PCCA: variants seen among roughly 807,000 people sequenced by gnomAD.
The protein encoded by PCCA is propionyl-CoA carboxylase subunit alpha, also known as propionyl-CoA carboxylase alpha chain, mitochondrial.
A neutral mutation model predicts 101.3 loss-of-function variants in PCCA; 74 were observed. That is an observed-to-expected ratio of 0.73 (90% CI 0.61 to 0.89). The LOEUF (loss-of-function observed/expected upper bound fraction) is 0.89. Among genes scored for constraint, PCCA ranks in the 40% least tolerant of loss-of-function variants. The pLI is 0.00. For missense variants in PCCA, 891 were observed against 907.0 expected (o/e 0.98, Z 0.23); for synonymous variants, 294 against 313.6 (o/e 0.94, Z 0.66).
intron 21 of PCCA, among the ~76,000 whole-genome samples, chr13:100,492,570 C>A (rs1208882515): frequency 6.6e-6 from 1 of 151,654 alleles, no homozygotes; most frequent in African/African-American, 2.4e-5. Flanking sequence ...CAGGGAAATA[C>A]TGGGTAGAAG....
intron 7 of PCCA, among the ~76,000 whole-genome samples, chr13:100,212,162 A>C (rs2059258122): frequency 6.6e-6 from 1 of 152,164 alleles, no homozygotes; most frequent in Non-Finnish European, 1.5e-5. Flanking sequence ...TGAAACTAAC[A>C]ATTAAAAGCT....
At position 100,449,175 on chromosome 13, in the gene PCCA, G is replaced by T. The variant is rs919646983; in HGVS notation, c.1846-77G>T. On this transcript the variant is annotated intron_variant, in intron 20 of 23. Coordinates refer to ENST00000376285, the MANE Select transcript of PCCA (RefSeq NM_000282.4). ...CATCCATCAGTTGATGGACATTTGG[G>T]TTTTTTGGCTATCGTGAACATTACA... is the stretch of plus-strand genomic sequence containing the variant. The T allele has an allele frequency of 1.4e-5, 12 of 844,176 alleles. No homozygotes were observed. In the African/African-American group the frequency reaches 1.5e-4, roughly 11 times the overall value. 52.3% of individuals were successfully genotyped at this position (844,176 alleles called of 1,614,324 possible).
chr13:100,145,168 T>C (rs2052377084), intron 4 of PCCA, among the ~76,000 whole-genome samples: 1 of 152,226 alleles, frequency 6.6e-6, no homozygotes, highest in Non-Finnish European at 1.5e-5. Context: ...GGTATAATGA[T>C]ACCATTAATG....
intron 12 of PCCA, among the ~76,000 whole-genome samples, chr13:100,286,336 G>A (rs7400074): frequency 0.44 from 66,495 of 151,958 alleles, 14,868 homozygotes; most frequent in Middle Eastern, 0.53. Flanking sequence ...CCTCACGCAC[G>A]TGGCCCCTGC....
chr13:100,275,434 T>G (rs2063580806), intron 12 of PCCA, among the ~76,000 whole-genome samples: 1 of 152,172 alleles, frequency 6.6e-6, no homozygotes, highest in African/African-American at 2.4e-5. Context: ...GATTTCTGCC[T>G]CTTTCCTGAT....
At chr13:100,205,205 G>A (rs2058780642) in intron 6 of PCCA, among the ~76,000 whole-genome samples, 1 of 152,112 alleles carries the variant, frequency 6.6e-6, no homozygotes, top group South Asian at 2.1e-4. Context: ...GGTTACTAGT[G>A]GATAAAATCT....
intron 6 of PCCA, among the ~76,000 whole-genome samples, chr13:100,189,047 C>A (rs1047603272): frequency 7.2e-5 from 11 of 152,098 alleles, no homozygotes; most frequent in Non-Finnish European, 1.5e-5. Context: ...AGCCCCCCAC[C>A]CCCTGACAGG....
At chr13:100,154,890 A>G in intron 4 of PCCA, 89 bp from the exon 5 acceptor site, 1 of 859,768 alleles carries the variant, frequency 1.2e-6, no homozygotes, top group Non-Finnish European at 2.0e-6. Flanking sequence ...TAGGCAGAAC[A>G]ATCAGATTTG....
At chr13:100,430,067 G>A (rs938113911) in intron 20 of PCCA, among the ~76,000 whole-genome samples, 12 of 151,886 alleles carry the variant, frequency 7.9e-5, no homozygotes, top group South Asian at 6.2e-4. Flanking sequence ...CCTGAGGTTC[G>A]GAGTTCGAGA....
chr13:100,327,421 G>A (rs1423522322), intron 16 of PCCA, among the ~76,000 whole-genome samples: 1 of 152,088 alleles, frequency 6.6e-6, no homozygotes, highest in Non-Finnish European at 1.5e-5. Context: ...GTGTGTATGT[G>A]GAATAGAATT....
intron 1 of PCCA, among the ~76,000 whole-genome samples, chr13:100,091,722 CAG>C (rs912578832): frequency 5.3e-5 from 8 of 152,056 alleles, no homozygotes; most frequent in African/African-American, 1.9e-4. Context: ...AGCCAGTCAA[CAG>C]AGTTTATTTA....
intron 7 of PCCA, among the ~76,000 whole-genome samples, chr13:100,215,539 C>T (rs1215580324): frequency 6.6e-6 from 1 of 152,164 alleles, no homozygotes; most frequent in Non-Finnish European, 1.5e-5. Context: ...CCCTCAGATA[C>T]CAAAATTTGT....
intron 19 of PCCA, among the ~76,000 whole-genome samples, chr13:100,413,974 A>T (rs2078205297): frequency 6.6e-6 from 1 of 152,202 alleles, no homozygotes; most frequent in East Asian, 1.9e-4. Flanking sequence ...ATAATGTAGG[A>T]TATTTTTGTA....
chr13:100,145,721 G>T (rs1413808679), intron 4 of PCCA, among the ~76,000 whole-genome samples: 1 of 151,704 alleles, frequency 6.6e-6, no homozygotes, highest in Non-Finnish European at 1.5e-5. Context: ...AAATAGCTGG[G>T]CATGGTGACA....
At chr13:100,467,586 C>T (rs570049004) in intron 21 of PCCA, among the ~76,000 whole-genome samples, 25 of 152,286 alleles carry the variant, frequency 1.6e-4, no homozygotes, top group East Asian at 5.8e-4. Context: ...TAGCCAGGAT[C>T]GTCTTGATCT....
chr13:100,266,074 G>A (rs1417848895), intron 10 of PCCA, among the ~76,000 whole-genome samples: 1 of 152,182 alleles, frequency 6.6e-6, no homozygotes, highest in Non-Finnish European at 1.5e-5. Flanking sequence ...TGTCCTTCTT[G>A]TAAGATCGTA....
intron 10 of PCCA, among the ~76,000 whole-genome samples, chr13:100,263,903 AGTATCTGTATGTCATAGATACG>A (rs1566822110): frequency 6.7e-6 from 1 of 150,050 alleles, no homozygotes; most frequent in African/African-American, 2.5e-5. Context: ...TCATAGATAC[AGTATCTGTATGTCATAGATACG>A]GTATCTGTAT....
At chr13:100,196,454 A>T (rs1236963208) in intron 6 of PCCA, among the ~76,000 whole-genome samples, 3 of 152,202 alleles carry the variant, frequency 2.0e-5, no homozygotes, top group Non-Finnish European at 2.9e-5. Flanking sequence ...ACTTCTGCCG[A>T]CAGTTACAGT....
At chr13:100,184,899 C>G (rs1249983513) in intron 6 of PCCA, among the ~76,000 whole-genome samples, 1 of 152,138 alleles carries the variant, frequency 6.6e-6, no homozygotes, top group Non-Finnish European at 1.5e-5. Context: ...AGCTTTCTGT[C>G]TTCCTCATCT....
Sources: gnomAD v4.1 joint callset for allele counts (sites outside exome capture counted in the v4.1 genomes callset) on GRCh38, gnomAD v4.1.1 for gene constraint, MANE v1.5 for transcripts, NCBI Gene and HGNC (gene_info 2026-07-23, HGNC 2026-07-21) for gene names.